KCNJ6: variants seen among roughly 807,000 people sequenced by gnomAD.
The protein encoded by KCNJ6 is G protein-activated inward rectifier potassium channel 2.
A neutral mutation model predicts 34.2 loss-of-function variants in KCNJ6; 9 were observed. The observed-to-expected ratio is 0.26, with a 90% CI of 0.16 to 0.46. The LOEUF is 0.46. Ranked by LOEUF, KCNJ6 falls within the 20% of genes least tolerant of loss-of-function variation. KCNJ6 has a pLI of 1.00. For missense variants in KCNJ6, 236 were observed against 531.3 expected (o/e 0.44, Z 5.46); for synonymous variants, 196 against 207.1 (o/e 0.95, Z 0.46).
intron 2 of KCNJ6, among the ~76,000 whole-genome samples, chr21:37,788,009 A>C (rs2055200154): frequency 6.6e-6 from 1 of 152,178 alleles, no homozygotes; most frequent in Non-Finnish European, 1.5e-5. Flanking sequence ...TGGGATTATG[A>C]TCTGGCTTTC....
intron 1 of KCNJ6, among the ~76,000 whole-genome samples, chr21:37,909,924 T>C (rs938420541): frequency 6.6e-6 from 1 of 152,232 alleles, no homozygotes; most frequent in Admixed American, 6.5e-5. Context: ...ATACATCTCC[T>C]TCCCATTGAT....
chr21:37,810,426 G>A (rs1317360654), intron 2 of KCNJ6, among the ~76,000 whole-genome samples: 1 of 152,176 alleles, frequency 6.6e-6, no homozygotes, highest in Non-Finnish European at 1.5e-5. Context: ...GATTGTAAGG[G>A]CAAGAGCAAG....
At chr21:37,871,658 C>A (rs2055652996) in intron 1 of KCNJ6, among the ~76,000 whole-genome samples, 1 of 152,196 alleles carries the variant, frequency 6.6e-6, no homozygotes, top group African/African-American at 2.4e-5. Context: ...GCCTGAAGAA[C>A]AGTGTGCTCT....
At chr21:37,761,130 G>A (rs1181692489) in intron 2 of KCNJ6, among the ~76,000 whole-genome samples, 1 of 151,828 alleles carries the variant, frequency 6.6e-6, no homozygotes, top group African/African-American at 2.4e-5. Flanking sequence ...TGCTGTATGT[G>A]GTGTACGTGT....
At position 37,755,836 on chromosome 21, in the gene KCNJ6, T is replaced by C. The variant is rs2055021511; in HGVS notation, c.26-40705A>G. On this transcript the variant is annotated intron_variant, in intron 2 of 3. Coordinates refer to ENST00000609713, the MANE Select transcript of KCNJ6 (RefSeq NM_002240.5). ...GCCAAGCAGAGTGGAGGCTGCCCCT[T>C]TCCCCAAGCACATCTCACACTGCAC... 2.0e-5 allele frequency among the ~76,000 whole-genome samples: 3 copies of C among 152,328 alleles called. No homozygotes were observed. The South Asian group carries it at 6.2e-4, about 32-fold the overall frequency.
At chr21:37,661,613 A>AGTTTTTTTTTT (rs2054488479) in intron 3 of KCNJ6, among the ~76,000 whole-genome samples, 1 of 47,270 alleles carries the variant, frequency 2.1e-5, no homozygotes, top group Non-Finnish European at 4.5e-5. Flanking sequence ...TAAGAGACAT[A>AGTTTTTTTTTT]GTTTTTTTTT....
intron 2 of KCNJ6, among the ~76,000 whole-genome samples, chr21:37,738,970 T>C (rs891126467): frequency 2.6e-5 from 4 of 152,208 alleles, no homozygotes; most frequent in African/African-American, 9.6e-5. Flanking sequence ...GCAGAGAGAA[T>C]CCTGTGTCAG....
At chr21:37,863,561 C>T (rs1240178130) in intron 1 of KCNJ6, among the ~76,000 whole-genome samples, 1 of 152,164 alleles carries the variant, frequency 6.6e-6, no homozygotes. Flanking sequence ...GCTTTATGCA[C>T]AGGGTGTGGT....
At chr21:37,838,924 A>G (rs1289247154) in intron 2 of KCNJ6, among the ~76,000 whole-genome samples, 2 of 152,112 alleles carry the variant, frequency 1.3e-5, no homozygotes, top group Non-Finnish European at 1.5e-5. Flanking sequence ...CCAGTTGTTT[A>G]AAAGTGTATG....
At chr21:37,756,736 G>A (rs1282980022) in intron 2 of KCNJ6, among the ~76,000 whole-genome samples, 38 of 58,744 alleles carry the variant, frequency 6.5e-4, no homozygotes, top group Non-Finnish European at 7.2e-4. Context: ...ATTCAAGCCC[G>A]GAGTGAGCAC....
intron 3 of KCNJ6, among the ~76,000 whole-genome samples, chr21:37,679,012 T>G (rs1203895788): frequency 6.6e-6 from 1 of 152,150 alleles, no homozygotes; most frequent in Non-Finnish European, 1.5e-5. Context: ...TAAAGGGTGC[T>G]GTGGGTTTTC....
At chr21:37,890,295 A>G (rs1025877957) in intron 1 of KCNJ6, among the ~76,000 whole-genome samples, 1 of 152,176 alleles carries the variant, frequency 6.6e-6, no homozygotes, top group Non-Finnish European at 1.5e-5. Context: ...CTCCCTCACT[A>G]TCATGAGAAT....
chr21:37,625,081 G>A lies in KCNJ6; in HGVS notation c.*78C>T. On this transcript the variant is annotated 3_prime_UTR_variant, in exon 4 of 4. Transcript: ENST00000609713. Reference sequence around the variant, plus strand: ...AACAAATAAAGAACAAAGCAAGAGAGACAGAAAAAGAAAGAGAATGAGAGA... The same window carrying A: ...AACAAATAAAGAACAAAGCAAGAGAAACAGAAAAAGAAAGAGAATGAGAGA... The A allele has an allele frequency of 9.6e-7, 1 of 1,046,746 alleles. No individual in the cohort carries two copies. The highest frequency in any genetic ancestry group is 1.4e-6 in the Non-Finnish European group (1 of 705,458). 64.8% of individuals were successfully genotyped at this position (1,046,746 alleles called of 1,614,324 possible).
intron 3 of KCNJ6, among the ~76,000 whole-genome samples, chr21:37,708,556 C>A (rs1248035834): frequency 2.3e-5 from 1 of 43,590 alleles, no homozygotes; most frequent in Admixed American, 3.0e-4. Context: ...AGATTTTGAC[C>A]TAGGAAAAAC....
At chr21:37,736,971 T>C (rs766860940) in intron 2 of KCNJ6, among the ~76,000 whole-genome samples, 7 of 152,230 alleles carry the variant, frequency 4.6e-5, no homozygotes, top group Non-Finnish European at 1.0e-4. Context: ...ACAATGTGAT[T>C]TTTCTCCTGA....
At chr21:37,737,370 T>G (rs1392986120) in intron 2 of KCNJ6, among the ~76,000 whole-genome samples, 1 of 152,218 alleles carries the variant, frequency 6.6e-6, no homozygotes, top group Non-Finnish European at 1.5e-5. Context: ...TTCCTTTTTC[T>G]CTCAGCTTGG....
chr21:37,654,408 A>G (rs1569438594), intron 3 of KCNJ6, among the ~76,000 whole-genome samples: 1 of 123,720 alleles, frequency 8.1e-6, no homozygotes. Flanking sequence ...CTGTCTTGAC[A>G]TTTGGTAAAA....
At position 37,612,270 on chromosome 21, in the gene KCNJ6, TTGAAA is replaced by T. The variant is rs1194025217; in HGVS notation, c.*12884_*12888del. 2.0e-5 allele frequency: 3 copies of T among 152,190 alleles called. No homozygotes were observed. The highest frequency in any genetic ancestry group is 6.5e-5 in the Admixed American group (1 of 15,280). The allele number at this position is 152,190 out of a possible 1,614,324, so 9.4% of individuals were successfully genotyped here. ...ACATGATTATTTAAATTAGTATCCC[TTGAAA>T]TGAAGTACTTAAGGTATAAATCTAA... On this transcript the variant is annotated 3_prime_UTR_variant, in exon 4 of 4. Transcript: ENST00000609713.
At chr21:37,879,968 A>G (rs1399338787) in intron 1 of KCNJ6, among the ~76,000 whole-genome samples, 1 of 152,050 alleles carries the variant, frequency 6.6e-6, no homozygotes, top group Non-Finnish European at 1.5e-5. Flanking sequence ...TTTCAAATGG[A>G]TGAAATGTTG....
Sources: gnomAD v4.1 joint callset for allele counts (sites outside exome capture counted in the v4.1 genomes callset) on GRCh38, gnomAD v4.1.1 for gene constraint, MANE v1.5 for transcripts, NCBI Gene and HGNC (gene_info 2026-07-23, HGNC 2026-07-21) for gene names.